VMP1: variants seen among roughly 807,000 people sequenced by gnomAD.
The protein encoded by VMP1 is ectopic P-granules autophagy protein 3 homolog.
Under a neutral mutation model 56.0 loss-of-function variants are expected in VMP1, and 11 were observed. The ratio of observed to expected loss-of-function variants is 0.20; its 90% CI spans 0.12 to 0.32. The LOEUF (loss-of-function observed/expected upper bound fraction) is 0.32. VMP1 is among the 10% of genes least tolerant of loss of function. VMP1 has a pLI of 1.00. For missense variants in VMP1, 296 were observed against 490.3 expected (o/e 0.60, Z 3.74); for synonymous variants, 149 against 165.0 (o/e 0.90, Z 0.74).
intron 8 of VMP1, among the ~76,000 whole-genome samples, chr17:59,809,746 T>G (rs965587411): frequency 1.3e-5 from 2 of 151,806 alleles, no homozygotes; most frequent in African/African-American, 2.4e-5. Context: ...GACCTCGTGA[T>G]CCGCCCGCCT....
intron 1 of VMP1, among the ~76,000 whole-genome samples, chr17:59,715,009 T>C (rs942803319): frequency 1.3e-5 from 2 of 152,192 alleles, no homozygotes; most frequent in Non-Finnish European, 1.5e-5. Flanking sequence ...TTCTTTTCCA[T>C]TGGCTTCTAA....
intron 11 of VMP1, 87 bp downstream of exon 11, chr17:59,838,484 A>G: frequency 7.2e-7 from 1 of 1,380,030 alleles, no homozygotes; most frequent in Non-Finnish European, 1.0e-6. Flanking sequence ...TTTTAGGCAA[A>G]TAAGTGAAGT....
intron 1 of VMP1, among the ~76,000 whole-genome samples, chr17:59,718,828 C>T (rs1330280045): frequency 6.6e-6 from 1 of 151,998 alleles, no homozygotes; most frequent in Non-Finnish European, 1.5e-5. Context: ...AGCCATCACA[C>T]CCAGCCCTCC....
intron 1 of VMP1, among the ~76,000 whole-genome samples, chr17:59,718,530 G>T (rs1055596752): frequency 8.6e-5 from 13 of 150,942 alleles, no homozygotes; most frequent in African/African-American, 2.9e-4. Context: ...TCTTAACACG[G>T]TCTTACTCTG....
At chr17:59,758,764 T>C (rs1245529013) in intron 5 of VMP1, among the ~76,000 whole-genome samples, 1 of 151,814 alleles carries the variant, frequency 6.6e-6, no homozygotes, top group African/African-American at 2.4e-5. Context: ...CCTAGGAGTT[T>C]AAGCAACACA....
intron 10 of VMP1, among the ~76,000 whole-genome samples, chr17:59,824,457 C>T (rs554925651): frequency 6.0e-5 from 9 of 150,618 alleles, no homozygotes; most frequent in African/African-American, 2.2e-4. Context: ...TCTATAATCC[C>T]AGCTACTCGG....
In VMP1 at chr17:59,753,228, C is replaced by T. The variant is rs184586424; in HGVS notation, c.415-11743C>T. Among the ~76,000 whole-genome samples the T allele has an allele frequency of 7.2e-5, 11 of 151,770 alleles. No individual in the cohort carries two copies. The East Asian group carries it at 1.2e-3, about 16-fold the overall frequency. On this transcript the variant is annotated intron_variant, in intron 5 of 11. Transcript: ENST00000262291. ...CTTGAGCCCAGGGAGGTTATGATCG[C>T]GCCACTGCACTCTAGCCTGGGCGAC...
At chr17:59,724,414 C>G (rs1030149341) in intron 1 of VMP1, among the ~76,000 whole-genome samples, 1 of 151,416 alleles carries the variant, frequency 6.6e-6, no homozygotes, top group South Asian at 2.1e-4. Context: ...GGCACAGTGT[C>G]TCAAGCCTGT....
rs2039100542 is a variant in VMP1, at chr17:59,839,753, C to G, written c.1078-15C>G. ...AAGCCTTTTTCATTGCATTGTTCTG[C>G]ATTTATTTCTACAGGGAGAAAACTG... On this transcript the variant is annotated splice_polypyrimidine_tract_variant and intron_variant, in intron 11 of 11. Coordinates refer to ENST00000262291, the MANE Select transcript of VMP1 (RefSeq NM_030938.5). 1 of 1,605,290 alleles carries G rather than the reference C, an allele frequency of 6.2e-7. No homozygotes were observed. The highest frequency in any genetic ancestry group is 1.3e-5 in the African/African-American group (1 of 74,264).
chr17:59,710,593 C>G (rs2033880602), intron 1 of VMP1, among the ~76,000 whole-genome samples: 1 of 152,098 alleles, frequency 6.6e-6, no homozygotes, highest in South Asian at 2.1e-4. Context: ...TGTAGCATAA[C>G]AAAAACTGTG....
Position 59,784,142 on chromosome 17 carries a change from T to TGAGAGAGA in VMP1, c.714+10266_714+10273dup, listed in dbSNP as rs1555621322. ...GTGTGTGTGTGTGTGTGTGTGTGTG[T>TGAGAGAGA]GAGAGAGAGAGAGAGATTGGAGGGA... On this transcript the variant is annotated intron_variant, in intron 7 of 11. Coordinates refer to ENST00000262291, the MANE Select transcript of VMP1 (RefSeq NM_030938.5). 6.9e-3 allele frequency among the ~76,000 whole-genome samples: 901 copies of TGAGAGAGA among 130,454 alleles called. 17 individuals are homozygous for TGAGAGAGA. Among genetic ancestry groups the TGAGAGAGA allele is most frequent in the African/African-American group, 0.026 (864 of 33,492 alleles). 85.6% of individuals were successfully genotyped at this position (130,454 alleles called of 152,430 possible).
At chr17:59,709,243 C>T (rs2033811721) in intron 1 of VMP1, among the ~76,000 whole-genome samples, 1 of 152,176 alleles carries the variant, frequency 6.6e-6, no homozygotes, top group Admixed American at 6.5e-5. Flanking sequence ...GATTATATAA[C>T]TGCCAAATCT....
chr17:59,795,782 A>G (rs944486301), intron 7 of VMP1, among the ~76,000 whole-genome samples: 1 of 152,200 alleles, frequency 6.6e-6, no homozygotes, highest in African/African-American at 2.4e-5. Flanking sequence ...AAATCAGGCA[A>G]GATATTTTAC....
rs1293364972 is a variant in VMP1 at position 59,731,438 on chromosome 17, A to C, written c.-9A>C. 3 of 1,594,764 alleles carry C rather than the reference A, an allele frequency of 1.9e-6. No individual in the cohort carries two copies. Among genetic ancestry groups the C allele is most frequent in the Non-Finnish European group, 2.6e-6 (3 of 1,173,070 alleles). On this transcript the variant is annotated 5_prime_UTR_variant, in exon 2 of 12. Coordinates refer to ENST00000262291, the MANE Select transcript of VMP1 (RefSeq NM_030938.5). ...TGTATTAGCTCCTCAAGAGTTACTG[A>C]TCTATGAAATGGCAGAGAATGGAAA...
At position 59,841,247 on chromosome 17, in the gene VMP1, C is replaced by A. The variant is rs781007656; in HGVS notation, c.*1336C>A. The stretch of plus-strand genomic sequence containing the variant: ...CTTGTTTTGCCTACCATCGTGACAT[C>A]TCCATGGCTGTACCACCTTGTCGGG... On this transcript the variant is annotated 3_prime_UTR_variant, in exon 12 of 12. Coordinates refer to ENST00000262291, the MANE Select transcript of VMP1 (RefSeq NM_030938.5). 5 of 496,254 alleles carry A rather than the reference C, an allele frequency of 1.0e-5. No homozygotes were observed. Among genetic ancestry groups the A allele is most frequent in the Non-Finnish European group, 1.7e-5 (4 of 230,044 alleles). 30.7% of individuals were successfully genotyped at this position (496,254 alleles called of 1,614,324 possible). A position where few individuals can be genotyped will look rare whatever the true frequency, so the allele number is the denominator to read the frequency against.
At chr17:59,811,553 C>A in intron 8 of VMP1, 117 bp from the exon 9 acceptor site, 1 of 746,242 alleles carries the variant, frequency 1.3e-6, no homozygotes, top group Non-Finnish European at 2.3e-6. Flanking sequence ...ATCAAGGAAC[C>A]CATATATTGC....
rs554059266 is a variant in VMP1 at position 59,745,156 on chromosome 17, A to G, written c.414+6209A>G. ...CCAGCCATATTATTTGCTTTGACCA[A>G]TGAAATGTGAGCATAAGTGATAGAT... is the stretch of plus-strand genomic sequence containing the variant. On this transcript the variant is annotated intron_variant, in intron 5 of 11. Transcript: ENST00000262291. Among the ~76,000 whole-genome samples, 368 of 152,298 alleles carry G rather than the reference A, an allele frequency of 2.4e-3. 3 individuals are homozygous for G. The highest frequency in any genetic ancestry group is 7.3e-3 in the African/African-American group (302 of 41,564).
At chr17:59,730,716 T>C (rs2034791149) in intron 1 of VMP1, among the ~76,000 whole-genome samples, 1 of 152,212 alleles carries the variant, frequency 6.6e-6, no homozygotes, top group Non-Finnish European at 1.5e-5. Context: ...TGAAGAATGA[T>C]ACAATCACAG....
Position 59,797,164 on chromosome 17 carries a change from C to A in VMP1, c.715-11632C>A, listed in dbSNP as rs532687443. ...CTGGCCAGCATGGTGAAACCCCCCCCCCGTCTCTACTAAAAATACAAAAAT... is the reference window on the plus strand; with the variant it reads ...CTGGCCAGCATGGTGAAACCCCCCCACCGTCTCTACTAAAAATACAAAAAT... On this transcript the variant is annotated intron_variant, in intron 7 of 11. Transcript: ENST00000262291. 5.8e-4 allele frequency among the ~76,000 whole-genome samples: 88 copies of A among 151,220 alleles called. 1 individual carries two copies. In the East Asian group the frequency reaches 8.4e-3, roughly 14 times the overall value.
Sources: gnomAD v4.1 joint callset for allele counts (sites outside exome capture counted in the v4.1 genomes callset) on GRCh38, gnomAD v4.1.1 for gene constraint, MANE v1.5 for transcripts, NCBI Gene and HGNC (gene_info 2026-07-23, HGNC 2026-07-21) for gene names.